DENND2C: variants seen among roughly 807,000 people sequenced by gnomAD.
DENND2C encodes the protein DENN domain containing 2C, also known as DENN domain-containing protein 2C.
DENND2C carries 72 observed loss-of-function variants against 112.4 expected under a neutral mutation model. The ratio of observed to expected loss-of-function variants is 0.64; its 90% CI spans 0.53 to 0.78. The LOEUF is 0.78. DENND2C is among the 30% of genes least tolerant of loss of function. The pLI, the probability that DENND2C is intolerant of heterozygous loss-of-function variation, is 0.00. For missense variants in DENND2C, 992 were observed against 1,113.8 expected (o/e 0.89, Z 1.56); for synonymous variants, 329 against 381.6 (o/e 0.86, Z 1.61).
intron 3 of DENND2C, among the ~76,000 whole-genome samples, chr1:114,634,419 C>T (rs1007286908): frequency 3.9e-5 from 6 of 152,028 alleles, no homozygotes; most frequent in African/African-American, 4.8e-5. Context: ...CTGCAGCCTC[C>T]GCCTCCTGGG....
chr1:114,668,467 AAAAT>A (rs1022584002), intron 1 of DENND2C, among the ~76,000 whole-genome samples: 3 of 151,994 alleles, frequency 2.0e-5, no homozygotes, highest in African/African-American at 4.8e-5. Context: ...GTCATTAAGA[AAAAT>A]AAATATTCTT....
intron 3 of DENND2C, among the ~76,000 whole-genome samples, chr1:114,636,126 A>G (rs1421478880): frequency 2.0e-5 from 3 of 151,710 alleles, no homozygotes; most frequent in Admixed American, 6.6e-5. Context: ...ATTAAAAGTC[A>G]CCATGTTTAT....
intron 10 of DENND2C, among the ~76,000 whole-genome samples, chr1:114,607,805 G>C (rs1029696812): frequency 2.0e-5 from 3 of 152,112 alleles, no homozygotes; most frequent in African/African-American, 7.2e-5. Flanking sequence ...CTATGTGCCA[G>C]GGATGGCATT....
intron 9 of DENND2C, among the ~76,000 whole-genome samples, 155 bp from the exon 10 acceptor site, chr1:114,609,028 G>C (rs555853657): frequency 6.6e-6 from 1 of 152,190 alleles, no homozygotes; most frequent in Non-Finnish European, 1.5e-5. Context: ...TACCTGTTAA[G>C]GCTGTGACAT....
intron 1 of DENND2C, among the ~76,000 whole-genome samples, chr1:114,658,104 A>G (rs1367103417): frequency 1.3e-5 from 2 of 152,226 alleles, no homozygotes; most frequent in Non-Finnish European, 2.9e-5. Context: ...TTTAACAGCC[A>G]CAGTTATCTG....
At chr1:114,592,051 AT>A (rs1301600815) in intron 18 of DENND2C, among the ~76,000 whole-genome samples, 6 of 151,744 alleles carry the variant, frequency 4.0e-5, no homozygotes, top group Admixed American at 1.3e-4. Context: ...CACCCAGCTA[AT>A]TTTTGTATTT....
chr1:114,664,154 G>A (rs555875840), intron 1 of DENND2C, among the ~76,000 whole-genome samples: 51 of 152,078 alleles, frequency 3.4e-4, no homozygotes, highest in African/African-American at 1.2e-3. Flanking sequence ...TGCTCAGGCT[G>A]GTCTAGAACT....
At chr1:114,662,148 G>A (rs1342747613) in intron 1 of DENND2C, among the ~76,000 whole-genome samples, 1 of 152,102 alleles carries the variant, frequency 6.6e-6, no homozygotes, top group Non-Finnish European at 1.5e-5. Context: ...TTTCCTCACA[G>A]AAGGCTCTAT....
In DENND2C at chr1:114,587,395, C is replaced by G. The variant is rs139442561; in HGVS notation, c.2747G>C (p.Arg916Pro). Residue 916 changes from arginine to proline, a missense_variant, in exon 20 of 21, where the codon CGG becomes CCG. Coordinates refer to ENST00000393274, the MANE Select transcript of DENND2C (RefSeq NM_001256404.2). Reference sequence around the variant, plus strand: ...AAAACACAGCAACTAACCAAGACTCCGCAAAATTCTATTCATCCCACTGGG... The same window carrying G: ...AAAACACAGCAACTAACCAAGACTCGGCAAAATTCTATTCATCCCACTGGG... Reference protein sequence around the residue: ...SEPSGMNRILRSLGSKMKFLQ... With the variant: ...SEPSGMNRILPSLGSKMKFLQ... 30 of 1,614,002 alleles carry G rather than the reference C, an allele frequency of 1.9e-5. No individual in the cohort carries two copies. In the Admixed American group the frequency reaches 4.8e-4, roughly 26 times the overall value.
rs369809132 is a variant in DENND2C, at chr1:114,618,552, C to T, written c.1228-70G>A. 4.2e-4 allele frequency: 364 copies of T among 876,240 alleles called. 3 individuals carry two copies. Among genetic ancestry groups the T allele is most frequent in the South Asian group, 4.0e-3 (210 of 52,232 alleles). 54.3% of individuals were successfully genotyped at this position (876,240 alleles called of 1,614,324 possible). A position where few individuals can be genotyped will look rare whatever the true frequency, so the allele number is the denominator to read the frequency against. ...AGTTTCACAGTTTGATGACATTAAT[C>T]TATTAGGGATTCTTATTCAGAGAAA... On this transcript the variant is annotated intron_variant, in intron 7 of 20. Transcript: ENST00000393274.
At chr1:114,585,685 A>C (rs542174209) in intron 20 of DENND2C, 54 bp from the exon 21 acceptor site, 1 of 1,573,496 alleles carries the variant, frequency 6.4e-7, no homozygotes, top group African/African-American at 1.3e-5. Flanking sequence ...TTTATTGTAC[A>C]TTATTTGAGG....
At chr1:114,654,252 G>A (rs1441100084) in intron 2 of DENND2C, among the ~76,000 whole-genome samples, 2 of 152,092 alleles carry the variant, frequency 1.3e-5, no homozygotes, top group East Asian at 1.9e-4. Flanking sequence ...CTAACATGGT[G>A]AAACCCTGTC....
intron 1 of DENND2C, among the ~76,000 whole-genome samples, chr1:114,659,286 C>T (rs1213680320): frequency 2.0e-5 from 3 of 151,880 alleles, no homozygotes; most frequent in Admixed American, 6.6e-5. Flanking sequence ...GGATCACTTG[C>T]GGTCAGGAGT....
rs150785923 is a variant in DENND2C at position 114,625,733 on chromosome 1, A to T, written c.252T>A (p.Asn84Lys). ...TTTGATCATGGCTTTTGGTATTTTC[A>T]TTTATATCTAGACCCACATTTTCAC... is the stretch of plus-strand genomic sequence containing the variant. ...TSRENVGLDI[N>K]ENTKSHDQSE... The change falls in exon 4 of 21, where the codon AAT becomes AAA. Residue 84 changes from asparagine to lysine, a missense_variant. Asn to Lys is a moderately conservative substitution (Grantham distance 94). Transcript: ENST00000393274. 6.2e-7 allele frequency: 1 copy of T among 1,613,952 alleles called. No homozygotes were observed. The highest frequency in any genetic ancestry group is 2.2e-5 in the East Asian group (1 of 44,866).
At chr1:114,660,415 T>C (rs1372918002) in intron 1 of DENND2C, among the ~76,000 whole-genome samples, 1 of 152,190 alleles carries the variant, frequency 6.6e-6, no homozygotes, top group Non-Finnish European at 1.5e-5. Flanking sequence ...ACCCAGCCTA[T>C]TGTTTTTGCT....
At chr1:114,648,958 C>A (rs1657074648) in intron 2 of DENND2C, among the ~76,000 whole-genome samples, 1 of 151,708 alleles carries the variant, frequency 6.6e-6, no homozygotes, top group African/African-American at 2.4e-5. Context: ...ACATAATTAT[C>A]CTTTTTTTTT....
intron 1 of DENND2C, among the ~76,000 whole-genome samples, chr1:114,657,213 T>C (rs969321568): frequency 6.6e-6 from 1 of 152,256 alleles, no homozygotes; most frequent in African/African-American, 2.4e-5. Context: ...TAGTAGCATC[T>C]CACTGTGGTT....
chr1:114,640,773 C>T (rs992669393), intron 3 of DENND2C, among the ~76,000 whole-genome samples: 6 of 152,276 alleles, frequency 3.9e-5, no homozygotes, highest in Admixed American at 6.5e-5. Flanking sequence ...GAAAAATACA[C>T]AAAAACATAA....
At chr1:114,644,727 G>A (rs1324404389) in intron 3 of DENND2C, among the ~76,000 whole-genome samples, 1 of 152,050 alleles carries the variant, frequency 6.6e-6, no homozygotes, top group Non-Finnish European at 1.5e-5. Flanking sequence ...GGAAACTGAG[G>A]TTTAGCAAGT....
Sources: allele counts gnomAD v4.1 joint callset (sites outside exome capture counted in the v4.1 genomes callset), GRCh38; gene constraint gnomAD v4.1.1; transcripts MANE v1.5; gene names NCBI Gene and HGNC (gene_info 2026-07-23, HGNC 2026-07-21).